The following POLA2 variants were observed in gnomAD, a reference collection of about 807,000 sequenced individuals.
The protein encoded by POLA2 is DNA polymerase alpha subunit B.
A neutral mutation model predicts 82.8 loss-of-function variants in POLA2; 47 were observed. The ratio of observed to expected loss-of-function variants is 0.57; its 90% CI spans 0.45 to 0.72. The LOEUF is 0.72. Among genes scored for constraint, POLA2 ranks in the 30% least tolerant of loss-of-function variants. POLA2 has a pLI of 0.00. For synonymous variants in POLA2, 287 were observed against 286.8 expected (o/e 1.00, Z -0.01); for missense variants, 634 against 728.1 (o/e 0.87, Z 1.49).
intron 3 of POLA2, among the ~76,000 whole-genome samples, chr11:65,268,369 T>G (rs2137499599): frequency 6.6e-6 from 1 of 151,654 alleles, no homozygotes; most frequent in East Asian, 1.9e-4. Context: ...TTTTTTTTTT[T>G]GAGATGGAGT....
chr11:65,270,121 G>A (rs982463156), intron 4 of POLA2, among the ~76,000 whole-genome samples: 10 of 152,172 alleles, frequency 6.6e-5, no homozygotes, highest in Non-Finnish European at 1.5e-4. Flanking sequence ...GTGAGCCACC[G>A]TGCCCAGCCC....
chr11:65,267,886 A>G (rs918451992), intron 3 of POLA2, among the ~76,000 whole-genome samples: 12 of 151,804 alleles, frequency 7.9e-5, no homozygotes, highest in African/African-American at 2.4e-4. Flanking sequence ...CTGCCTCCCA[A>G]TCTCAAGTGA....
At chr11:65,281,823 A>C (rs1401797736) in intron 9 of POLA2, 91 bp downstream of exon 9, 3 of 1,034,596 alleles carry the variant, frequency 2.9e-6, no homozygotes, top group Non-Finnish European at 3.0e-6. Flanking sequence ...CCTTTTTAGG[A>C]GCCCATTTAT....
intron 8 of POLA2, among the ~76,000 whole-genome samples, chr11:65,304,293 TTCCATCCACCCACCCACCCACTCATCCA>T (rs1295167170): frequency 6.6e-6 from 1 of 150,734 alleles, no homozygotes; most frequent in Non-Finnish European, 1.5e-5. Flanking sequence ...CCATCCATCC[TTCCATCCACCCACCCACCCACTCATCCA>T]TCCATCCATA....
At chr11:65,263,220 CT>C (rs547474910) in intron 1 of POLA2, among the ~76,000 whole-genome samples, 3,655 of 123,162 alleles carry the variant, frequency 0.03, 107 homozygotes, top group African/African-American at 0.1. Context: ...CTCTCTCTCT[CT>C]TTTTTTTTTT....
chr11:65,266,515 T>C, intron 1 of POLA2, 67 bp from the exon 2 acceptor site: 1 of 1,534,386 alleles, frequency 6.5e-7, no homozygotes, highest in Non-Finnish European at 9.0e-7. Context: ...AGGATTATTT[T>C]TGCTTTTCTA....
chr11:65,278,307 A>G (rs1272649588), intron 5 of POLA2, among the ~76,000 whole-genome samples: 1 of 152,192 alleles, frequency 6.6e-6, no homozygotes. Context: ...GTTTTTATAT[A>G]TGCTCAGCAA....
chr11:65,262,173 G>A lies in POLA2; in HGVS notation c.-120G>A. 1 of 735,698 alleles carries A rather than the reference G, an allele frequency of 1.4e-6. No individual in the cohort carries two copies. The highest frequency in any genetic ancestry group is 2.4e-6 in the Non-Finnish European group (1 of 424,470). 45.6% of individuals were successfully genotyped at this position (735,698 alleles called of 1,614,324 possible). ...GCTTGGGCCAGTCACCTCCTGTCAC[G>A]GTCCGCGGAGGGGGGAAGGATAAGA... On this transcript the variant is annotated 5_prime_UTR_variant, in exon 1 of 18. Transcript: ENST00000265465.
intron 2 of POLA2, among the ~76,000 whole-genome samples, chr11:65,267,053 A>G (rs1949469203): frequency 6.6e-6 from 1 of 152,182 alleles, no homozygotes; most frequent in Non-Finnish European, 1.5e-5. Context: ...TAAAAATACA[A>G]AAATTAGTTG....
In POLA2 at chr11:65,294,201, T is replaced by C. The variant is rs1186752301; in HGVS notation, c.1293T>C (p.His431=). 3 of 1,614,160 alleles carry C rather than the reference T, an allele frequency of 1.9e-6. No individual in the cohort carries two copies. In the East Asian group the frequency reaches 6.7e-5, roughly 36 times the overall value. ...VFVPSLRDVH[H]EPVYPQPPFS... is the part of the protein sequence containing the mutation. ...TCCCGTCATTGAGAGATGTGCACCA[T>C]GAGCCTGTGTACCCCCAGCCGCCTT... The change falls in exon 14 of 18, where the codon CAT becomes CAC. Residue 431 remains histidine (H), a synonymous_variant. Transcript: ENST00000265465.
intron 4 of POLA2, among the ~76,000 whole-genome samples, chr11:65,271,808 C>T (rs1429493005): frequency 6.9e-6 from 1 of 145,874 alleles, no homozygotes; most frequent in African/African-American, 2.6e-5. Context: ...CACTGCCCTC[C>T]AGGCTGGATG....
rs996838875 is a variant in POLA2, at chr11:65,262,996, C to G, written c.79+625C>G. Among the ~76,000 whole-genome samples the G allele has an allele frequency of 3.3e-5, 5 of 152,042 alleles. No homozygotes were observed. In the East Asian group the frequency reaches 7.7e-4, roughly 23 times the overall value. On this transcript the variant is annotated intron_variant, in intron 1 of 17. Coordinates refer to ENST00000265465, the MANE Select transcript of POLA2 (RefSeq NM_002689.4). ...GAGTCCCGTGCTGCATCATACGGGTCCATCGTGTTGGTCAAGCTGTAGAGC... is the reference window on the plus strand; with the variant it reads ...GAGTCCCGTGCTGCATCATACGGGTGCATCGTGTTGGTCAAGCTGTAGAGC...
intron 13 of POLA2, 22 bp from the exon 14 acceptor site, chr11:65,294,131 G>A: frequency 3.7e-6 from 6 of 1,600,526 alleles, no homozygotes; most frequent in Non-Finnish European, 4.3e-6. Flanking sequence ...TCACTCTTCT[G>A]TTTGTTCTTT....
downstream of POLA2, among the ~76,000 whole-genome samples, chr11:65,302,607 G>T (rs895618874): frequency 2.6e-4 from 39 of 152,156 alleles, no homozygotes; most frequent in African/African-American, 9.4e-4. Context: ...CCTTCAAATT[G>T]CCCCTTAGAA....
At chr11:65,303,126 A>G (rs1416041039), downstream of POLA2, among the ~76,000 whole-genome samples, 3 of 151,928 alleles carry the variant, frequency 2.0e-5, no homozygotes, top group Non-Finnish European at 4.4e-5. Flanking sequence ...GTGGATCATG[A>G]GGTCAGGAGA....
intron 4 of POLA2, among the ~76,000 whole-genome samples, chr11:65,269,774 AAG>A (rs1949502758): frequency 1.3e-5 from 2 of 152,338 alleles, no homozygotes; most frequent in Admixed American, 1.3e-4. Context: ...CATCATAAGA[AAG>A]AGGTAATTTA....
chr11:65,302,080 GTC>G (rs1445195448), downstream of POLA2, among the ~76,000 whole-genome samples: 1 of 152,132 alleles, frequency 6.6e-6, no homozygotes, highest in Non-Finnish European at 1.5e-5. Flanking sequence ...CCCCTGGGAG[GTC>G]TCAGGGACAG....
rs1165973932 is a variant in POLA2 at position 65,281,001 on chromosome 11, A to G, written c.754A>G (p.Thr252Ala). Residue 252 changes from threonine (T) to alanine (A), a missense_variant, in exon 8 of 18, where the codon ACT becomes GCT. Transcript: ENST00000265465. ...PLLAPAQEPV[T>A]LLGQIGCDSN... is the part of the protein sequence containing the mutation. ...GACCTTCCTTTGGTAGGAGCCTGTC[A>G]CTCTGCTGGGCCAGATTGGCTGTGA... 8.1e-6 allele frequency: 13 copies of G among 1,613,496 alleles called. No homozygotes were observed. Among genetic ancestry groups the G allele is most frequent in the Non-Finnish European group, 1.1e-5 (13 of 1,179,906 alleles).
Position 65,294,129 on chromosome 11 carries a change from CTGTT to C in POLA2, c.1245-19_1245-16del. The C allele has an allele frequency of 1.3e-6, 2 of 1,595,300 alleles. No homozygotes were observed. The highest frequency in any genetic ancestry group is 1.3e-5 in the African/African-American group (1 of 74,662). The stretch of plus-strand genomic sequence containing the variant: ...AACTGCACTCACTTTTCTCACTCTT[CTGTT>C]TGTTCTTTTGCCATACTAGCTCCGG... On this transcript the variant is annotated intron_variant, in intron 13 of 17. Transcript: ENST00000265465.
Sources: gnomAD v4.1 joint callset for allele counts (sites outside exome capture counted in the v4.1 genomes callset) on GRCh38, gnomAD v4.1.1 for gene constraint, MANE v1.5 for transcripts, NCBI Gene and HGNC (gene_info 2026-07-23, HGNC 2026-07-21) for gene names.